ZNF654: variants seen among roughly 807,000 people sequenced by gnomAD.
ZNF654 encodes melanoma-associated antigen.
ZNF654 carries 19 observed loss-of-function variants against 95.3 expected under a neutral mutation model. The observed-to-expected ratio is 0.20, with a 90% CI of 0.14 to 0.29. The LOEUF (loss-of-function observed/expected upper bound fraction) is 0.29. ZNF654 is among the 10% of genes least tolerant of loss of function. ZNF654 has a pLI of 1.00. For missense variants in ZNF654, 1,046 were observed against 1,341.0 expected, an observed-to-expected ratio of 0.78 and a Z score of 3.44; for synonymous variants, 413 against 457.9, an observed-to-expected ratio of 0.90 and a Z score of 1.25.
At chr3:88,067,909 G>A (rs762607173) in intron 1 of ZNF654, among the ~76,000 whole-genome samples, 35 of 151,312 alleles carry the variant, frequency 2.3e-4, no homozygotes, top group Non-Finnish European at 4.4e-4. Context: ...TAGTAAATTG[G>A]TGTGAACTGT....
At chr3:88,088,769 G>T (rs1465066836) in intron 2 of ZNF654, among the ~76,000 whole-genome samples, 4 of 151,506 alleles carry the variant, frequency 2.6e-5, no homozygotes, top group Non-Finnish European at 4.4e-5. Context: ...TGTATGGATG[G>T]ATGGATGGAT....
At chr3:88,085,091 A>G (rs1179725663) in intron 1 of ZNF654, among the ~76,000 whole-genome samples, 1 of 152,182 alleles carries the variant, frequency 6.6e-6, no homozygotes, top group Non-Finnish European at 1.5e-5. Context: ...GAAAAATTGT[A>G]GAAATGTGAG....
chr3:88,127,579 C>T (rs1706191679), intron 4 of ZNF654, among the ~76,000 whole-genome samples: 1 of 151,952 alleles, frequency 6.6e-6, no homozygotes, highest in Non-Finnish European at 1.5e-5. Context: ...TGCATGTGCC[C>T]AGAGGGGAAG....
chr3:88,126,579 CTTTTTTTTTTT>C (rs144091813), intron 4 of ZNF654, among the ~76,000 whole-genome samples: 3 of 81,744 alleles, frequency 3.7e-5, no homozygotes, highest in Admixed American at 1.4e-4. Flanking sequence ...GTAGAAACAT[CTTTTTTTTTTT>C]TTTTTTTTTT....
rs570897501 is a variant in ZNF654, at chr3:88,142,730, A to C, written c.*1078A>C. 1 of 152,412 alleles carries C rather than the reference A, an allele frequency of 6.6e-6. No individual in the cohort carries two copies. Among genetic ancestry groups the C allele is most frequent in the East Asian group, 1.9e-4 (1 of 5,184 alleles). The allele number at this position is 152,412 out of a possible 1,614,324, so 9.4% of individuals were successfully genotyped here. A position where few individuals can be genotyped will look rare whatever the true frequency, so the allele number is the denominator to read the frequency against. The stretch of plus-strand genomic sequence containing the variant: ...TAAGCCATACTATTCCTGTTTTTTT[A>C]ATTCATTAGTGATGACTCTGGTCTG... On this transcript the variant is annotated 3_prime_UTR_variant, in exon 9 of 9. Transcript: ENST00000636215.
intron 2 of ZNF654, among the ~76,000 whole-genome samples, chr3:88,088,936 C>A (rs1708490159): frequency 6.6e-6 from 1 of 151,602 alleles, no homozygotes; most frequent in Admixed American, 6.6e-5. Context: ...CCATGCCTGG[C>A]TAATTTTTGT....
At chr3:88,135,677 G>C (rs770252551) in intron 7 of ZNF654, among the ~76,000 whole-genome samples, 22 of 152,050 alleles carry the variant, frequency 1.4e-4, no homozygotes, top group Non-Finnish European at 2.9e-4. Context: ...GTAAAAATGT[G>C]TTACCTCTTT....
chr3:88,099,302 C>T (rs964352040), intron 2 of ZNF654, among the ~76,000 whole-genome samples: 1 of 152,180 alleles, frequency 6.6e-6, no homozygotes, highest in Non-Finnish European at 1.5e-5. Flanking sequence ...TCAAGGAGAA[C>T]TGCAAATCAC....
At chr3:88,090,448 A>C (rs1304617901) in intron 2 of ZNF654, among the ~76,000 whole-genome samples, 13 of 152,284 alleles carry the variant, frequency 8.5e-5, no homozygotes, top group Admixed American at 6.5e-4. Flanking sequence ...TATAAAGAGA[A>C]AATATTTTTA....
rs575487476 is a variant in ZNF654 at position 88,113,213 on chromosome 3, T to C, written c.414+17T>C. The C allele has an allele frequency of 1.6e-4, 238 of 1,472,072 alleles. No homozygotes were observed. In the African/African-American group the frequency reaches 3.0e-3, roughly 18 times the overall value. 91.2% of individuals were successfully genotyped at this position (1,472,072 alleles called of 1,614,324 possible). ...TCATTCCAGGTAAAAAACAGTTTAC[T>C]ACTTCACACTTTGTCTACACTTAAA... On this transcript the variant is annotated intron_variant, in intron 3 of 8. Coordinates refer to ENST00000636215, the MANE Select transcript of ZNF654 (RefSeq NM_001350134.2).
intron 1 of ZNF654, among the ~76,000 whole-genome samples, chr3:88,074,336 A>G (rs1461712232): frequency 4.7e-5 from 6 of 127,316 alleles, no homozygotes; most frequent in Admixed American, 9.7e-5. Flanking sequence ...GGCTCTTTTT[A>G]TATCTTACTT....
intron 1 of ZNF654, among the ~76,000 whole-genome samples, chr3:88,060,400 C>T (rs564842125): frequency 6.6e-6 from 1 of 152,304 alleles, no homozygotes; most frequent in Non-Finnish European, 1.5e-5. Flanking sequence ...TTTGTGTACT[C>T]TGCATTCTCA....
intron 2 of ZNF654, among the ~76,000 whole-genome samples, chr3:88,098,748 A>C (rs1479190362): frequency 4.6e-5 from 7 of 152,234 alleles, no homozygotes; most frequent in African/African-American, 1.7e-4. Context: ...TTATCTCAAT[A>C]GATGCAGAAA....
chr3:88,116,254 T>TA (rs1705383678), intron 3 of ZNF654, among the ~76,000 whole-genome samples: 5 of 151,902 alleles, frequency 3.3e-5, no homozygotes, highest in Non-Finnish European at 7.4e-5. Context: ...GGCATAGTGG[T>TA]TCACCCCTGT....
intron 2 of ZNF654, among the ~76,000 whole-genome samples, chr3:88,091,290 A>G (rs1332797768): frequency 1.3e-5 from 2 of 152,226 alleles, no homozygotes; most frequent in African/African-American, 4.8e-5. Flanking sequence ...CTACGTAGAC[A>G]AAAATAATAA....
At chr3:88,064,203 G>A (rs1399773875) in intron 1 of ZNF654, among the ~76,000 whole-genome samples, 1 of 150,260 alleles carries the variant, frequency 6.7e-6, no homozygotes, top group Non-Finnish European at 1.5e-5. Context: ...GGCTATCACT[G>A]GCAACTCTTT....
intron 1 of ZNF654, among the ~76,000 whole-genome samples, chr3:88,069,382 G>T (rs181045799): frequency 6.6e-6 from 1 of 152,168 alleles, no homozygotes. Flanking sequence ...AGATGGCGCC[G>T]CTGCACTTCA....
At chr3:88,098,749 G>T in intron 2 of ZNF654, among the ~76,000 whole-genome samples, 1 of 152,160 alleles carries the variant, frequency 6.6e-6, no homozygotes, top group African/African-American at 2.4e-5. Flanking sequence ...TATCTCAATA[G>T]ATGCAGAAAA....
intron 1 of ZNF654, among the ~76,000 whole-genome samples, chr3:88,084,822 T>C (rs1161621469): frequency 6.6e-6 from 1 of 152,200 alleles, no homozygotes; most frequent in Non-Finnish European, 1.5e-5. Flanking sequence ...TCAAGTCTCA[T>C]ACAGTTGACA....
Sources: allele counts gnomAD v4.1 joint callset (sites outside exome capture counted in the v4.1 genomes callset), GRCh38; gene constraint gnomAD v4.1.1; transcripts MANE v1.5; gene names NCBI Gene and HGNC (gene_info 2026-07-23, HGNC 2026-07-21).